The following PRELID2 variants were observed in gnomAD, a reference collection of about 807,000 sequenced individuals.
PRELID2 encodes the protein PRELI domain containing 2, also known as PRELI domain-containing protein 2.
In PRELID2, 25 loss-of-function variants were observed where a neutral mutation model predicts 28.4. That is an observed-to-expected ratio of 0.88 (90% CI 0.64 to 1.23). The LOEUF is 1.23. Ranked by LOEUF, PRELID2 falls within the 50% of genes most tolerant of loss-of-function variation. The pLI is 0.00. For missense variants in PRELID2, 201 were observed against 214.4 expected (o/e 0.94, Z 0.39); for synonymous variants, 76 against 71.6 (o/e 1.06, Z -0.31).
intron 5 of PRELID2, among the ~76,000 whole-genome samples, chr5:145,779,850 G>T (rs1758674377): frequency 1.3e-5 from 2 of 152,152 alleles, no homozygotes; most frequent in South Asian, 4.1e-4. Context: ...CCAAAGACAG[G>T]CTCATCATAA....
chr5:145,523,899 G>A (rs1423900054), intron 1 of PRELID2, among the ~76,000 whole-genome samples: 1 of 152,094 alleles, frequency 6.6e-6, no homozygotes, highest in East Asian at 1.9e-4. Context: ...GTACTAGTTT[G>A]CACATGCAGA....
intron 5 of PRELID2, among the ~76,000 whole-genome samples, chr5:145,766,967 T>A (rs1757799291): frequency 6.6e-6 from 1 of 152,100 alleles, no homozygotes; most frequent in Non-Finnish European, 1.5e-5. Flanking sequence ...TGTAACATAC[T>A]TCATGTTGAT....
intron 1 of PRELID2, among the ~76,000 whole-genome samples, chr5:145,735,368 C>A (rs1003927774): frequency 6.6e-6 from 1 of 151,780 alleles, no homozygotes; most frequent in Admixed American, 6.6e-5. Context: ...TAATAAAGGG[C>A]TTTTACAAAG....
rs762473224 is a variant in PRELID2, at chr5:145,824,565, GC to G, written c.76-1432del. On this transcript the variant is annotated intron_variant, in intron 1 of 6. Transcript: ENST00000683046. The stretch of plus-strand genomic sequence containing the variant: ...AAAAAGACACTAGATTAGAACACAG[GC>G]TCTCTGAGGGCAGGAATACTGTCTA... Among the ~76,000 whole-genome samples the G allele has an allele frequency of 2.5e-4, 38 of 151,974 alleles. No individual in the cohort carries two copies. The East Asian group carries it at 6.6e-3, about 26-fold the overall frequency.
chr5:145,630,028 T>C (rs1753910125), intron 1 of PRELID2, among the ~76,000 whole-genome samples: 1 of 152,170 alleles, frequency 6.6e-6, no homozygotes, highest in Admixed American at 6.5e-5. Flanking sequence ...TTCTGGAAAA[T>C]GTCTGCTCCT....
At chr5:145,311,608 A>G in the PRELID2 span, among the ~76,000 whole-genome samples, 79 of 152,286 alleles carry the variant, frequency 5.2e-4, 3 homozygotes, top group South Asian at 0.016. Context: ...AACACATAGT[A>G]TATTTTCTTC....
At chr5:145,338,228 G>T in the PRELID2 span, 1 of 152,166 alleles carries the variant, frequency 6.6e-6, no homozygotes, top group African/African-American at 2.4e-5. Flanking sequence ...TGTTGTGGAT[G>T]ACCTTAGTAT....
In PRELID2 at chr5:145,834,958, C is replaced by G. The variant is rs538168597; in HGVS notation, c.75+219G>C. On this transcript the variant is annotated intron_variant, in intron 1 of 6. Transcript: ENST00000683046. Reference sequence around the variant, plus strand: ...CTAAAAGGAAAGCCTCTTCTTTCAGCTGGGGCAGGTGTGAACGTGATGCCA... The same window carrying G: ...CTAAAAGGAAAGCCTCTTCTTTCAGGTGGGGCAGGTGTGAACGTGATGCCA... The G allele has an allele frequency of 3.3e-4, 147 of 442,836 alleles. 1 individual carries two copies. Among genetic ancestry groups the G allele is most frequent in the Non-Finnish European group, 5.1e-4 (126 of 245,458 alleles). 27.4% of individuals were successfully genotyped at this position (442,836 alleles called of 1,614,324 possible). A position where few individuals can be genotyped will look rare whatever the true frequency, so the allele number is the denominator to read the frequency against.
chr5:145,396,949 C>G, the PRELID2 span, among the ~76,000 whole-genome samples: 4 of 151,796 alleles, frequency 2.6e-5, no homozygotes, highest in East Asian at 1.9e-4. Flanking sequence ...AAAATTAAGG[C>G]TACATAAGTA....
intron 1 of PRELID2, among the ~76,000 whole-genome samples, chr5:145,523,067 A>T (rs987662057): frequency 6.6e-6 from 1 of 152,210 alleles, no homozygotes; most frequent in African/African-American, 2.4e-5. Flanking sequence ...CTTAATATTA[A>T]GACATGGATC....
chr5:145,576,102 T>C (rs1261261944), intron 1 of PRELID2, among the ~76,000 whole-genome samples: 1 of 152,194 alleles, frequency 6.6e-6, no homozygotes, highest in Non-Finnish European at 1.5e-5. Flanking sequence ...TTTTTGTAAC[T>C]ATAACAGCTT....
chr5:145,750,538 T>C (rs1757098833), intron 1 of PRELID2, among the ~76,000 whole-genome samples: 1 of 152,124 alleles, frequency 6.6e-6, no homozygotes, highest in Non-Finnish European at 1.5e-5. Context: ...ATTTCTTAAG[T>C]TTTCATCTTA....
chr5:145,824,429 T>TGTGG (rs1171041193), intron 1 of PRELID2, among the ~76,000 whole-genome samples: 1 of 116,392 alleles, frequency 8.6e-6, no homozygotes, highest in African/African-American at 2.8e-5. Flanking sequence ...AGCAGGCGTG[T>TGTGG]GTGTGTGTGT....
intron 1 of PRELID2, among the ~76,000 whole-genome samples, chr5:145,750,526 A>C (rs1239984173): frequency 1.3e-5 from 2 of 152,154 alleles, no homozygotes; most frequent in Non-Finnish European, 2.9e-5. Flanking sequence ...TCAGATGCTA[A>C]GATTTCTTAA....
At chr5:145,680,052 C>T (rs1754902620) in intron 1 of PRELID2, among the ~76,000 whole-genome samples, 2 of 151,930 alleles carry the variant, frequency 1.3e-5, no homozygotes, top group African/African-American at 4.8e-5. Flanking sequence ...ATTATAAAAG[C>T]TTGAGCAATA....
At chr5:145,642,005 T>C (rs1754115979) in intron 1 of PRELID2, among the ~76,000 whole-genome samples, 1 of 152,224 alleles carries the variant, frequency 6.6e-6, no homozygotes, top group Non-Finnish European at 1.5e-5. Flanking sequence ...AGTAGAATGA[T>C]TTAAAATCCT....
At chr5:145,457,763 A>T in the PRELID2 span, among the ~76,000 whole-genome samples, 1 of 152,284 alleles carries the variant, frequency 6.6e-6, no homozygotes, top group South Asian at 2.1e-4. Flanking sequence ...AGTGGACAAA[A>T]GTCTTCTGGT....
At chr5:145,308,406 A>C in the PRELID2 span, among the ~76,000 whole-genome samples, 1 of 152,210 alleles carries the variant, frequency 6.6e-6, no homozygotes, top group South Asian at 2.1e-4. Flanking sequence ...ATTTTAAAAC[A>C]CATTTTTTAT....
intron 1 of PRELID2, among the ~76,000 whole-genome samples, chr5:145,721,699 G>A (rs1428437414): frequency 1.3e-5 from 2 of 152,052 alleles, no homozygotes; most frequent in East Asian, 3.9e-4. Context: ...AAGCCAGGAT[G>A]TATATAAGAC....
Sources: allele counts gnomAD v4.1 joint callset (sites outside exome capture counted in the v4.1 genomes callset), GRCh38; gene constraint gnomAD v4.1.1; transcripts MANE v1.5; gene names NCBI Gene and HGNC (gene_info 2026-07-23, HGNC 2026-07-21).